Variants in TTC23L observed in about 807,000 individuals in gnomAD.
TTC23L encodes tetratricopeptide repeat protein 23-like.
A neutral mutation model predicts 48.1 loss-of-function variants in TTC23L; 42 were observed. The observed-to-expected ratio is 0.87, with a 90% CI of 0.68 to 1.13. The LOEUF (loss-of-function observed/expected upper bound fraction) is 1.13. TTC23L is among the 50% of genes most tolerant of loss of function. The pLI, the probability that TTC23L is intolerant of heterozygous loss-of-function variation, is 0.00. For synonymous variants in TTC23L, 159 were observed against 157.2 expected (o/e 1.01, Z -0.09); for missense variants, 391 against 421.0 (o/e 0.93, Z 0.62).
chr5:34,922,255 T>G, the TTC23L span: 1 of 1,593,790 alleles, frequency 6.3e-7, no homozygotes, highest in Non-Finnish European at 8.6e-7. Flanking sequence ...GCATCTATTT[T>G]GAAGCTAAGA....
At chr5:34,924,992 T>C in the TTC23L span, 2 of 1,610,160 alleles carry the variant, frequency 1.2e-6, no homozygotes, top group Admixed American at 1.7e-5. Flanking sequence ...GGTTGTGTCA[T>C]TCAGTAGTCT....
At chr5:34,895,816 C>T (rs1369113848) in intron 9 of TTC23L, among the ~76,000 whole-genome samples, 1 of 152,170 alleles carries the variant, frequency 6.6e-6, no homozygotes. Flanking sequence ...TTTGTATCAG[C>T]CAGACCAGTC....
rs59410522 is a variant in TTC23L, at chr5:34,846,707, G to GTGTGTGTGTGTGTA, written c.255+1035_255+1036insGTGTGTGTGTGTAT. Among the ~76,000 whole-genome samples the GTGTGTGTGTGTGTA allele has an allele frequency of 1.1e-3, 140 of 129,752 alleles. 6 individuals are homozygous for GTGTGTGTGTGTGTA. Among genetic ancestry groups the GTGTGTGTGTGTGTA allele is most frequent in the East Asian group, 3.8e-3 (18 of 4,758 alleles). The allele number at this position is 129,752 out of a possible 152,430, so 85.1% of individuals were successfully genotyped here. On this transcript the variant is annotated intron_variant, in intron 3 of 10. Coordinates refer to ENST00000505624, the Ensembl canonical transcript of TTC23L. ...TGTGTGTGTGTGTGTGTGTGTGTGT[G>GTGTGTGTGTGTGTA]TATCCATCCTGGAAGGTTTCAGGAT...
intron 4 of TTC23L, among the ~76,000 whole-genome samples, chr5:34,852,884 C>T (rs1310461222): frequency 6.6e-6 from 1 of 152,116 alleles, no homozygotes; most frequent in East Asian, 1.9e-4. Flanking sequence ...GGAGCAAAGG[C>T]ACATCTAACG....
chr5:34,918,817 CTTT>C, the TTC23L span: 16 of 132,374 alleles, frequency 1.2e-4, no homozygotes, highest in South Asian at 2.4e-4. Context: ...CTTTTTGGGC[CTTT>C]TTTTTTTTTT....
At chr5:34,846,576 A>AAATAT (rs1208315692) in intron 3 of TTC23L, among the ~76,000 whole-genome samples, 1 of 98,346 alleles carries the variant, frequency 1.0e-5, no homozygotes, top group Admixed American at 9.6e-5. Context: ...AAAAAAAAAA[A>AAATAT]ATATATATAT....
chr5:34,873,858 C>T lies in TTC23L; in HGVS notation c.949+4845C>T, dbSNP rs563605041. On this transcript the variant is annotated intron_variant, in intron 8 of 10. Transcript: ENST00000505624. ...CATACAGAGCAGTTGACAGGATGGG[C>T]GACGTATAGGCTGAAGGTATTTAAG... 1.4e-4 allele frequency among the ~76,000 whole-genome samples: 21 copies of T among 152,124 alleles called. No individual in the cohort carries two copies. The South Asian group carries it at 2.3e-3, about 17-fold the overall frequency.
chr5:34,893,500 T>C (rs985340279), intron 9 of TTC23L, among the ~76,000 whole-genome samples: 1 of 152,184 alleles, frequency 6.6e-6, no homozygotes, highest in African/African-American at 2.4e-5. Flanking sequence ...CTTTGGAGCA[T>C]GCTTACACTT....
At chr5:34,915,448 T>C in the TTC23L span, 1 of 339,516 alleles carries the variant, frequency 2.9e-6, no homozygotes, top group African/African-American at 2.1e-5. Context: ...CCGAGAGCCC[T>C]TCTCAGCAAA....
Position 34,863,205 on chromosome 5 carries a change from C to A in TTC23L, c.536+151C>A. 1 of 913,400 alleles carries A rather than the reference C, an allele frequency of 1.1e-6. No individual in the cohort carries two copies. Among genetic ancestry groups the A allele is most frequent in the Non-Finnish European group, 1.7e-6 (1 of 605,024 alleles). The allele number at this position is 913,400 out of a possible 1,614,324, so 56.6% of individuals were successfully genotyped here. Reference sequence around the variant, plus strand: ...CCCTCCATGAGCCTCTCCTCTCCATCTAGAAGGGTGTGTATTCTCTTCCTA... The same window carrying A: ...CCCTCCATGAGCCTCTCCTCTCCATATAGAAGGGTGTGTATTCTCTTCCTA... On this transcript the variant is annotated intron_variant, in intron 5 of 10. Transcript: ENST00000505624. This position sits in a 1 kb window ranked among gnomAD's most constrained non-coding sequence, Gnocchi z 4.1.
intron 9 of TTC23L, among the ~76,000 whole-genome samples, 182 bp from the exon 10 acceptor site, chr5:34,896,588 T>G (rs1207348209): frequency 1.3e-5 from 2 of 152,128 alleles, no homozygotes; most frequent in East Asian, 3.8e-4. Flanking sequence ...GTAATAAAGA[T>G]AAATAAAACA....
chr5:34,856,221 C>G (rs34105391), intron 4 of TTC23L, among the ~76,000 whole-genome samples: 38,797 of 152,118 alleles, frequency 0.26, 5,035 homozygotes, highest in Middle Eastern at 0.34. Context: ...TTGAGAATCG[C>G]TAATCTGAAA....
At chr5:34,853,782 T>C (rs886805857) in intron 4 of TTC23L, among the ~76,000 whole-genome samples, 5 of 152,124 alleles carry the variant, frequency 3.3e-5, no homozygotes, top group Non-Finnish European at 2.9e-5. Context: ...TGGTAGGTCA[T>C]TGCAACTTGG....
At chr5:34,909,413 T>A in the TTC23L span, 10 of 1,253,978 alleles carry the variant, frequency 8.0e-6, no homozygotes, top group Non-Finnish European at 1.2e-5. Context: ...CACATTAGGA[T>A]CCAAATAAAG....
At chr5:34,904,274 A>G (rs1045017418), downstream of TTC23L, among the ~76,000 whole-genome samples, 2 of 151,220 alleles carry the variant, frequency 1.3e-5, no homozygotes, top group East Asian at 2.0e-4. Context: ...CTAGCTCAAT[A>G]AACATTTTTT....
downstream of TTC23L, among the ~76,000 whole-genome samples, chr5:34,901,546 T>A (rs953351399): frequency 3.3e-5 from 5 of 152,188 alleles, no homozygotes; most frequent in African/African-American, 1.2e-4. Context: ...GCGGATCATC[T>A]GAGGTCAGGA....
exon 1 of TTC23L, chr5:34,839,250 C>A (rs1758374616): frequency 6.5e-6 from 1 of 152,718 alleles, no homozygotes; most frequent in Non-Finnish European, 1.5e-5. Flanking sequence ...GCTTTGGCGC[C>A]CGGACCGAGG....
the TTC23L span, chr5:34,908,755 A>G: frequency 2.5e-6 from 4 of 1,582,686 alleles, no homozygotes; most frequent in African/African-American, 1.4e-5. Context: ...ATATCAGTGA[A>G]TTGTCATACT....
chr5:34,914,351 T>C, the TTC23L span: 4 of 308,416 alleles, frequency 1.3e-5, no homozygotes, highest in South Asian at 3.2e-5. Context: ...ACGGGAATAA[T>C]AACAGAACCT....
Sources: allele counts gnomAD v4.1 joint callset (sites outside exome capture counted in the v4.1 genomes callset), GRCh38; gene constraint gnomAD v4.1.1; non-coding constraint Gnocchi (gnomAD v3.1); transcripts MANE v1.5; gene names NCBI Gene and HGNC (gene_info 2026-07-23, HGNC 2026-07-21).